MIR2052HG: variants seen among roughly 807,000 people sequenced by gnomAD.
MIR2052HG encodes MIR2052 host gene.
rs1261707122 is a variant in MIR2052HG, at chr8:74,613,195, C to T, written n.216+255C>T. Among the ~76,000 whole-genome samples the T allele has an allele frequency of 2.0e-5, 3 of 152,168 alleles. No individual in the cohort carries two copies. The South Asian group carries it at 6.2e-4, about 31-fold the overall frequency. On this transcript the variant is annotated intron_variant and non_coding_transcript_variant, in intron 2 of 6. Coordinates refer to ENST00000523442, the Ensembl canonical transcript of MIR2052HG. ...TACAAATATAGCAAGTGTGTTTCTT[C>T]TTGCTCTCAAAATATACTTTTAGCA... is the stretch of plus-strand genomic sequence containing the variant.
intron 2 of MIR2052HG, among the ~76,000 whole-genome samples, chr8:74,644,020 C>T (rs1480507648): frequency 6.6e-6 from 1 of 152,148 alleles, no homozygotes; most frequent in Non-Finnish European, 1.5e-5. Context: ...AGATGTAATT[C>T]TCCTTTGTTG....
intron 5 of MIR2052HG, chr8:74,757,328 T>C (rs982660419): frequency 6.6e-6 from 1 of 152,228 alleles, no homozygotes; most frequent in Non-Finnish European, 1.5e-5. Flanking sequence ...AGACAGAGCC[T>C]TTGGGCATCA....
intron 2 of MIR2052HG, among the ~76,000 whole-genome samples, chr8:74,682,771 C>T (rs530912909): frequency 5.3e-5 from 8 of 152,090 alleles, no homozygotes; most frequent in Admixed American, 2.6e-4. Flanking sequence ...TATATACACC[C>T]GAGAAACTCT....
At position 74,639,027 on chromosome 8, in the gene MIR2052HG, C is replaced by T. The variant is rs10100030; in HGVS notation, n.216+26087C>T. Among the ~76,000 whole-genome samples, 1,188 of 152,172 alleles carry T rather than the reference C, an allele frequency of 7.8e-3. 11 individuals are homozygous for T. The highest frequency in any genetic ancestry group is 0.027 in the African/African-American group (1,114 of 41,522). On this transcript the variant is annotated intron_variant and non_coding_transcript_variant, in intron 2 of 6. Transcript: ENST00000523442. ...AGCTACCAATAGCAAGAGGAAAATT[C>T]GGAGAGACTGAGTCCTTAGAAAACA... is the stretch of plus-strand genomic sequence containing the variant.
intron 2 of MIR2052HG, among the ~76,000 whole-genome samples, chr8:74,681,063 TG>T (rs1370199517): frequency 1.3e-5 from 1 of 78,686 alleles, no homozygotes; most frequent in Non-Finnish European, 2.3e-5. Context: ...GGGACTGTTG[TG>T]GGGTGGGGGG....
chr8:74,731,830 G>T (rs1191730413), intron 4 of MIR2052HG, among the ~76,000 whole-genome samples: 2 of 151,996 alleles, frequency 1.3e-5, no homozygotes. Context: ...GTAACTCTGG[G>T]CATACTCCAC....
chr8:74,690,713 C>T (rs1809231267), intron 2 of MIR2052HG, among the ~76,000 whole-genome samples: 1 of 151,786 alleles, frequency 6.6e-6, no homozygotes, highest in Admixed American at 6.6e-5. Context: ...CCAGGAAAAG[C>T]ATTTTCTAAG....
intron 1 of MIR2052HG, among the ~76,000 whole-genome samples, chr8:74,601,645 G>C (rs994855049): frequency 4.6e-5 from 7 of 152,008 alleles, no homozygotes; most frequent in African/African-American, 1.5e-4. Flanking sequence ...AACCTTTCTT[G>C]TTTTCTCCAC....
At chr8:74,681,287 C>A (rs181034875) in intron 2 of MIR2052HG, among the ~76,000 whole-genome samples, 42 of 151,790 alleles carry the variant, frequency 2.8e-4, no homozygotes, top group African/African-American at 8.0e-4. Context: ...CAATGCAATT[C>A]CAGCAAAAAA....
At chr8:74,672,911 G>A (rs1426365490) in intron 2 of MIR2052HG, among the ~76,000 whole-genome samples, 2 of 151,976 alleles carry the variant, frequency 1.3e-5, no homozygotes, top group Non-Finnish European at 2.9e-5. Context: ...ATTTCAGATT[G>A]CAGTGGAGTA....
chr8:74,746,755 C>T (rs1586930547), intron 4 of MIR2052HG, among the ~76,000 whole-genome samples: 1 of 151,942 alleles, frequency 6.6e-6, no homozygotes, highest in African/African-American at 2.4e-5. Context: ...GACACCATCA[C>T]CCAAGCTAAA....
At chr8:74,724,861 T>C (rs1809617241) in intron 4 of MIR2052HG, among the ~76,000 whole-genome samples, 1 of 152,188 alleles carries the variant, frequency 6.6e-6, no homozygotes, top group African/African-American at 2.4e-5. Context: ...GGACTTTTTT[T>C]TTTCTCCAAC....
intron 1 of MIR2052HG, chr8:74,612,603 A>G (rs2128731511): frequency 3.5e-6 from 1 of 283,906 alleles, no homozygotes; most frequent in African/African-American, 2.2e-5. Flanking sequence ...ATGAGTTATC[A>G]TTTGGCTAGC....
At chr8:74,739,400 T>C (rs1451297484) in intron 4 of MIR2052HG, among the ~76,000 whole-genome samples, 1 of 152,218 alleles carries the variant, frequency 6.6e-6, no homozygotes, top group Non-Finnish European at 1.5e-5. Flanking sequence ...CTTTAACCTC[T>C]GGATGCACTC....
chr8:74,703,793 C>T (rs184744111), intron 4 of MIR2052HG: 41 of 326,772 alleles, frequency 1.3e-4, no homozygotes, highest in East Asian at 4.3e-4. Context: ...AAGCTGATAG[C>T]GGGTTAATAC....
intron 4 of MIR2052HG, among the ~76,000 whole-genome samples, chr8:74,713,196 C>T (rs1809487166): frequency 6.6e-6 from 1 of 152,174 alleles, no homozygotes; most frequent in South Asian, 2.1e-4. Context: ...AAATACAGCA[C>T]TATTAAAATG....
intron 4 of MIR2052HG, among the ~76,000 whole-genome samples, chr8:74,709,170 G>T (rs1809442073): frequency 6.6e-6 from 1 of 152,164 alleles, no homozygotes; most frequent in African/African-American, 2.4e-5. Flanking sequence ...AGCATGGCAA[G>T]ATAGTTTCAG....
At chr8:74,746,584 G>GTGTGTC (rs1417632474) in intron 4 of MIR2052HG, among the ~76,000 whole-genome samples, 9 of 984 alleles carry the variant, frequency 9.1e-3, no homozygotes, top group African/African-American at 0.021. Context: ...GTGTGTGTGT[G>GTGTGTC]TGTGTGTGTG....
At chr8:74,708,794 T>TA (rs201500233) in intron 4 of MIR2052HG, among the ~76,000 whole-genome samples, 4 of 149,682 alleles carry the variant, frequency 2.7e-5, no homozygotes, top group African/African-American at 7.3e-5. Flanking sequence ...AATTTAAATT[T>TA]AAAAAAAATT....
Sources: gnomAD v4.1 joint callset for allele counts (sites outside exome capture counted in the v4.1 genomes callset) on GRCh38, gnomAD v4.1.1 for gene constraint, MANE v1.5 for transcripts, NCBI Gene and HGNC (gene_info 2026-07-23, HGNC 2026-07-21) for gene names.